Variants in TP63 observed in about 807,000 individuals in gnomAD.
TP63 encodes the protein tumor protein 63.
In TP63, 17 loss-of-function variants were observed where a neutral mutation model predicts 82.8. That is an observed-to-expected ratio of 0.21 (90% CI 0.14 to 0.31). The LOEUF (loss-of-function observed/expected upper bound fraction) is 0.31. Among genes scored for constraint, TP63 ranks in the 10% least tolerant of loss-of-function variants. TP63 has a pLI of 1.00. For synonymous variants in TP63, 330 were observed against 321.7 expected (o/e 1.03, Z -0.28); for missense variants, 648 against 895.3 (o/e 0.72, Z 3.52).
chr3:189,651,437 T>C lies in TP63; in HGVS notation c.62+19860T>C, dbSNP rs1290291693. Among the ~76,000 whole-genome samples, 9 of 145,470 alleles carry C rather than the reference T, an allele frequency of 6.2e-5. 3 individuals carry two copies. Among genetic ancestry groups the C allele is most frequent in the African/African-American group, 2.3e-4 (9 of 38,404 alleles). ...GGCAGAAGCTTGTAATCTCAGCTAC[T>C]TAGGAGGCTGAATCAGGAGAATCGG... On this transcript the variant is annotated intron_variant, in intron 1 of 13. Transcript: ENST00000264731.
At chr3:189,739,935 C>T (rs1035747788) in intron 3 of TP63, among the ~76,000 whole-genome samples, 13 of 151,936 alleles carry the variant, frequency 8.6e-5, no homozygotes, top group African/African-American at 3.1e-4. Context: ...TTTAAAATGC[C>T]TTACCTTGTT....
chr3:189,672,597 G>A (rs1488881600), intron 1 of TP63, among the ~76,000 whole-genome samples: 2 of 138,174 alleles, frequency 1.4e-5, no homozygotes, highest in African/African-American at 5.3e-5. Context: ...GCAAGAACCT[G>A]TCACAAATAA....
chr3:189,855,724 A>G (rs1455779079), intron 4 of TP63, among the ~76,000 whole-genome samples: 7 of 148,144 alleles, frequency 4.7e-5, no homozygotes, highest in African/African-American at 1.1e-4. Context: ...GTATGTATGT[A>G]TGTGTGTGTG....
chr3:189,892,431 A>C (rs1020791355), intron 13 of TP63, among the ~76,000 whole-genome samples: 1 of 152,190 alleles, frequency 6.6e-6, no homozygotes, highest in Non-Finnish European at 1.5e-5. Context: ...AACAGAGTCT[A>C]ATTTACAAAG....
intron 4 of TP63, among the ~76,000 whole-genome samples, chr3:189,835,963 T>TG (rs1713092455): frequency 2.4e-5 from 3 of 127,064 alleles, no homozygotes; most frequent in Non-Finnish European, 3.6e-5. Context: ...ATAATAATAA[T>TG]AATAATGTAA....
chr3:189,829,479 G>A (rs1487625048), intron 4 of TP63, among the ~76,000 whole-genome samples: 1 of 152,198 alleles, frequency 6.6e-6, no homozygotes, highest in Non-Finnish European at 1.5e-5. Flanking sequence ...AGGGGAGGAA[G>A]TGGAAGAGCT....
At chr3:189,643,497 TTGA>T (rs1361907500) in intron 1 of TP63, among the ~76,000 whole-genome samples, 1 of 152,004 alleles carries the variant, frequency 6.6e-6, no homozygotes, top group Non-Finnish European at 1.5e-5. Flanking sequence ...CCTATTTCTG[TTGA>T]TAACTCAGAA....
intron 1 of TP63, among the ~76,000 whole-genome samples, chr3:189,652,780 C>T (rs538803707): frequency 1.4e-5 from 2 of 146,454 alleles, no homozygotes; most frequent in Admixed American, 1.3e-4. Flanking sequence ...CCATCCTGTT[C>T]TCATGATAGT....
chr3:189,674,317 G>C (rs952531934), intron 1 of TP63, among the ~76,000 whole-genome samples: 1 of 152,024 alleles, frequency 6.6e-6, no homozygotes, highest in South Asian at 2.1e-4. Flanking sequence ...CAAAACCACA[G>C]TCGTCATTCT....
chr3:189,662,014 AT>A (rs1713928900), intron 1 of TP63, among the ~76,000 whole-genome samples: 1 of 151,920 alleles, frequency 6.6e-6, no homozygotes, highest in Admixed American at 6.6e-5. Context: ...TCAAAAAATA[AT>A]TTTTGGTTTT....
At chr3:189,767,299 G>T (rs6808364) in intron 3 of TP63, among the ~76,000 whole-genome samples, 2,944 of 152,054 alleles carry the variant, frequency 0.019, 78 homozygotes, top group African/African-American at 0.062. Context: ...AAAAAAACAT[G>T]AACAGTAATA....
intron 3 of TP63, among the ~76,000 whole-genome samples, chr3:189,786,095 A>T (rs1724579313): frequency 6.6e-6 from 1 of 152,044 alleles, no homozygotes; most frequent in African/African-American, 2.4e-5. Flanking sequence ...GGAGCCATTG[A>T]CATCGGTATT....
At chr3:189,735,910 G>A (rs1045047299) in intron 1 of TP63, among the ~76,000 whole-genome samples, 3 of 151,978 alleles carry the variant, frequency 2.0e-5, no homozygotes, top group African/African-American at 7.2e-5. Context: ...CAGGTCACTG[G>A]ATTTTATCAA....
chr3:189,755,240 C>A (rs920665680), intron 3 of TP63, among the ~76,000 whole-genome samples: 1 of 152,006 alleles, frequency 6.6e-6, no homozygotes, highest in Non-Finnish European at 1.5e-5. Context: ...TCTCTCTGTA[C>A]CATTTTTCCT....
chr3:189,784,928 T>A (rs1359880784), intron 3 of TP63, among the ~76,000 whole-genome samples: 1 of 152,074 alleles, frequency 6.6e-6, no homozygotes, highest in African/African-American at 2.4e-5. Context: ...ACTCAGTGTG[T>A]TCTGTTGATC....
intron 1 of TP63, among the ~76,000 whole-genome samples, chr3:189,687,048 G>A (rs7622471): frequency 0.18 from 28,006 of 151,872 alleles, 3,255 homozygotes; most frequent in Non-Finnish European, 0.26. Context: ...GGTTTTTAAT[G>A]CTAGGAAGAG....
intron 10 of TP63, among the ~76,000 whole-genome samples, chr3:189,875,614 A>ACGTATATATATATATATATATATACG (rs1361515135): frequency 2.8e-5 from 3 of 106,694 alleles, no homozygotes; most frequent in Admixed American, 8.9e-5. Context: ...ATATATATAT[A>ACGTATATATATATATATATATATACG]TATATATATA....
chr3:189,874,775 G>A (rs1429043149), intron 10 of TP63, among the ~76,000 whole-genome samples: 7 of 152,104 alleles, frequency 4.6e-5, no homozygotes, highest in African/African-American at 1.4e-4. Context: ...ATACAACCAG[G>A]ATCAAAGAAA....
intron 10 of TP63, among the ~76,000 whole-genome samples, chr3:189,878,526 T>C (rs1284409577): frequency 1.3e-5 from 2 of 150,350 alleles, no homozygotes; most frequent in African/African-American, 2.4e-5. Flanking sequence ...GTAGCTGGGA[T>C]TACAGATGCC....
Sources: allele counts gnomAD v4.1 joint callset (sites outside exome capture counted in the v4.1 genomes callset), GRCh38; gene constraint gnomAD v4.1.1; transcripts MANE v1.5; gene names NCBI Gene and HGNC (gene_info 2026-07-23, HGNC 2026-07-21).